RXFP2: variants seen among roughly 807,000 people sequenced by gnomAD.
The protein encoded by RXFP2 is relaxin receptor 2.
In RXFP2, 68 loss-of-function variants were observed where a neutral mutation model predicts 88.6. The ratio of observed to expected loss-of-function variants is 0.77; its 90% confidence interval spans 0.63 to 0.94. The LOEUF (loss-of-function observed/expected upper bound fraction) is 0.94. Ranked by LOEUF, RXFP2 falls within the 40% of genes least tolerant of loss-of-function variation. The probability of loss-of-function intolerance (pLI) is 0.00; values close to 1 mark genes in which losing one functional copy is unlikely to be tolerated. For missense variants in RXFP2, 791 were observed against 893.9 expected, an observed-to-expected ratio of 0.88 and a Z score of 1.47; for synonymous variants, 329 against 306.8, an observed-to-expected ratio of 1.07 and a Z score of -0.76.
chr13:31,741,676 T>G (rs778609621), intron 1 of RXFP2, among the ~76,000 whole-genome samples: 1 of 152,060 alleles, frequency 6.6e-6, no homozygotes. Flanking sequence ...AATGAGTGAT[T>G]GCCTTAAGCT....
chr13:31,797,276 T>C lies in RXFP2; in HGVS notation c.1862T>C (p.Leu621Ser). Residue 621 changes from leucine to serine, a missense_variant, in exon 17 of 18, where the codon TTG becomes TCG. Coordinates refer to ENST00000298386, the MANE Select transcript of RXFP2 (RefSeq NM_130806.5). Reference sequence around the variant, plus strand: ...TTCTGTTCCATTCAAAAAACCGCCTTGCAGACCACAGAAGTAAGGAATTGT... The same window carrying C: ...TTCTGTTCCATTCAAAAAACCGCCTCGCAGACCACAGAAGTAAGGAATTGT... ...TMFCSIQKTA[L>S]QTTEVRNCFG... 1 of 1,614,110 alleles carries C rather than the reference T, an allele frequency of 6.2e-7. No homozygotes were observed. Among genetic ancestry groups the C allele is most frequent in the Non-Finnish European group, 8.5e-7 (1 of 1,179,952 alleles).
intron 17 of RXFP2, among the ~76,000 whole-genome samples, chr13:31,800,061 T>C (rs919089371): frequency 1.3e-5 from 2 of 152,204 alleles, no homozygotes; most frequent in Non-Finnish European, 2.9e-5. Context: ...CTGAGGTTTG[T>C]CTTGAACACC....
At chr13:31,744,808 A>G (rs1012259964) in intron 1 of RXFP2, among the ~76,000 whole-genome samples, 2 of 151,072 alleles carry the variant, frequency 1.3e-5, no homozygotes, top group African/African-American at 4.9e-5. Context: ...TTTCATTCTT[A>G]TTTCATGATA....
chr13:31,786,377 C>CA lies in RXFP2; in HGVS notation c.930-4dup. The CA allele has an allele frequency of 6.3e-7, 1 of 1,593,692 alleles. No homozygotes were observed. Among genetic ancestry groups the CA allele is most frequent in the Non-Finnish European group, 8.6e-7 (1 of 1,161,608 alleles). ...AATTGCTTTGGGTTTTCATTGTCGT[C>CA]AACAGGGATCTGTCTAGCAATACGA... On this transcript the variant is annotated splice_region_variant and splice_polypyrimidine_tract_variant and intron_variant, in intron 11 of 17. Coordinates refer to ENST00000298386, the MANE Select transcript of RXFP2 (RefSeq NM_130806.5).
At chr13:31,752,567 A>C (rs79595451) in intron 1 of RXFP2, among the ~76,000 whole-genome samples, 13 of 146,806 alleles carry the variant, frequency 8.9e-5, no homozygotes, top group African/African-American at 2.7e-4. Flanking sequence ...CAACAACAAC[A>C]ACCACCAAGA....
At chr13:31,780,939 G>A (rs1303580388) in intron 9 of RXFP2, among the ~76,000 whole-genome samples, 3 of 152,190 alleles carry the variant, frequency 2.0e-5, no homozygotes, top group Non-Finnish European at 2.9e-5. Flanking sequence ...GTTCCAGGCA[G>A]CGCTGAGGTT....
chr13:31,766,007 A>T lies in RXFP2; in HGVS notation c.477A>T (p.Lys159Asn). The change falls in exon 5 of 18, where the codon AAA (lysine) becomes AAT (asparagine). Residue 159 changes from lysine to asparagine, a missense_variant. By Grantham distance (94) the Lys-to-Asn change is moderately conservative. Coordinates refer to ENST00000298386, the MANE Select transcript of RXFP2 (RefSeq NM_130806.5). ...GTCTTCCAGATAAAGTTTTCATCAA[A>T]TACACAAAACTTAAAAAGATGTAAG... ...IHSLPDKVFI[K>N]YTKLKKIFLQ... 1 of 1,544,488 alleles carries T rather than the reference A, an allele frequency of 6.5e-7. No homozygotes were observed. Among genetic ancestry groups the T allele is most frequent in the Non-Finnish European group, 8.9e-7 (1 of 1,117,790 alleles).
In RXFP2 at chr13:31,744,505, G is replaced by A. The variant is rs74516598; in HGVS notation, c.94+4799G>A. Reference sequence around the variant, plus strand: ...CAACATATCTCTCCAAAGGGTTTCTGCTATGATGGTACAGATCTCCATTAG... The same window carrying A: ...CAACATATCTCTCCAAAGGGTTTCTACTATGATGGTACAGATCTCCATTAG... On this transcript the variant is annotated intron_variant, in intron 1 of 17. Transcript: ENST00000298386. Among the ~76,000 whole-genome samples the A allele has an allele frequency of 3.5e-4, 53 of 152,294 alleles. No individual in the cohort carries two copies. The East Asian group carries it at 0.01, about 29-fold the overall frequency.
chr13:31,776,497 G>A (rs906661664), intron 7 of RXFP2, among the ~76,000 whole-genome samples: 1 of 151,878 alleles, frequency 6.6e-6, no homozygotes, highest in African/African-American at 2.4e-5. Flanking sequence ...CTGAGCTCAA[G>A]CGATCTGCCT....
chr13:31,798,869 C>T (rs1313251319), intron 17 of RXFP2, among the ~76,000 whole-genome samples: 1 of 152,174 alleles, frequency 6.6e-6, no homozygotes, highest in Non-Finnish European at 1.5e-5. Context: ...AGGCTCAACC[C>T]AAATACTCCC....
At chr13:31,739,821 T>C in intron 1 of RXFP2, 115 bp downstream of exon 1, 1 of 739,518 alleles carries the variant, frequency 1.4e-6, no homozygotes, top group Non-Finnish European at 2.4e-6. Context: ...AAAACAGACA[T>C]CAAATTTGCC....
intron 1 of RXFP2, among the ~76,000 whole-genome samples, chr13:31,747,269 T>G (rs1348155964): frequency 6.6e-6 from 1 of 152,082 alleles, no homozygotes; most frequent in Non-Finnish European, 1.5e-5. Flanking sequence ...CTACATAGAT[T>G]CCAGCTGAAA....
chr13:31,744,815 G>A (rs9548933), intron 1 of RXFP2, among the ~76,000 whole-genome samples: 4 of 151,612 alleles, frequency 2.6e-5, no homozygotes, highest in Non-Finnish European at 5.9e-5. Flanking sequence ...CTTATTTCAT[G>A]ATATATTCCT....
intron 8 of RXFP2, 68 bp downstream of exon 8, chr13:31,777,515 A>G: frequency 8.4e-7 from 1 of 1,190,858 alleles, no homozygotes; most frequent in Non-Finnish European, 1.2e-6. Context: ...CTAGCTTACA[A>G]AAAGAACTTT....
chr13:31,794,939 G>A (rs1873958586), intron 16 of RXFP2, among the ~76,000 whole-genome samples: 1 of 151,984 alleles, frequency 6.6e-6, no homozygotes, highest in South Asian at 2.1e-4. Flanking sequence ...TCATCAATTT[G>A]CATATGAGAG....
intron 17 of RXFP2, among the ~76,000 whole-genome samples, chr13:31,801,652 C>G (rs543794715): frequency 6.6e-6 from 1 of 152,226 alleles, no homozygotes; most frequent in East Asian, 1.9e-4. Flanking sequence ...ATGCATTCCT[C>G]TTTGCTCTTC....
At chr13:31,778,089 C>A (rs1355774093) in intron 8 of RXFP2, among the ~76,000 whole-genome samples, 1 of 152,160 alleles carries the variant, frequency 6.6e-6, no homozygotes, top group East Asian at 1.9e-4. Context: ...TGTCACTTCT[C>A]CAATTTAATG....
rs1873106076 is a variant in RXFP2, at chr13:31,778,590, A to T, written c.785+7A>T. On this transcript the variant is annotated splice_region_variant and intron_variant, in intron 9 of 17. Transcript: ENST00000298386. ...TGCCTCAACTCAACTGGGTGTGAGTATTTATTTAGGAATTAATTTGTTATT... is the reference window on the plus strand; with the variant it reads ...TGCCTCAACTCAACTGGGTGTGAGTTTTTATTTAGGAATTAATTTGTTATT... The T allele has an allele frequency of 1.3e-6, 2 of 1,588,110 alleles. No individual in the cohort carries two copies. The highest frequency in any genetic ancestry group is 2.7e-5 in the African/African-American group (2 of 74,326).
intron 16 of RXFP2, among the ~76,000 whole-genome samples, chr13:31,793,988 C>T (rs559904658): frequency 1.3e-5 from 2 of 152,252 alleles, no homozygotes; most frequent in East Asian, 3.9e-4. Flanking sequence ...TCTCATTTAT[C>T]TATTCACTAC....
Sources: allele counts gnomAD v4.1 joint callset (sites outside exome capture counted in the v4.1 genomes callset), GRCh38; gene constraint gnomAD v4.1.1; transcripts MANE v1.5; gene names NCBI Gene and HGNC (gene_info 2026-07-23, HGNC 2026-07-21).